CEP350: variants seen among roughly 807,000 people sequenced by gnomAD.
The protein encoded by CEP350 is centrosome-associated protein 350.
In CEP350, 126 loss-of-function variants were observed where a neutral mutation model predicts 331.8. The ratio of observed to expected loss-of-function variants is 0.38; its 90% CI spans 0.33 to 0.44. The LOEUF (loss-of-function observed/expected upper bound fraction) is 0.44. Ranked by LOEUF, CEP350 falls within the 20% of genes least tolerant of loss-of-function variation. The pLI, the probability that CEP350 is intolerant of heterozygous loss-of-function variation, is 1.00. For synonymous variants in CEP350, 1,200 were observed against 1,259.5 expected, an observed-to-expected ratio of 0.95 and a Z score of 1.00; for missense variants, 3,406 against 3,634.6, an observed-to-expected ratio of 0.94 and a Z score of 1.62.
In CEP350 at chr1:180,020,743, A is replaced by G; in HGVS notation, c.2969A>G (p.Glu990Gly). Residue 990 changes from glutamate (E) to glycine (G), a missense_variant, in exon 12 of 38, where the codon GAG (glutamate) becomes GGG (glycine). Glu to Gly is a moderately conservative substitution (Grantham distance 98). Coordinates refer to ENST00000367607, the MANE Select transcript of CEP350 (RefSeq NM_014810.5). ...GTCAGTGAAGGGCCTCTTCTTAGTG[A>G]GGGGAGTCTCTCTGAAGAAGAGGGA... ...DSVSEGPLLSEGSLSEEEGDQ... is the reference protein window; with the variant it reads ...DSVSEGPLLSGGSLSEEEGDQ... 1 of 1,614,000 alleles carries G rather than the reference A, an allele frequency of 6.2e-7. No homozygotes were observed. Among genetic ancestry groups the G allele is most frequent in the Non-Finnish European group, 8.5e-7 (1 of 1,179,884 alleles).
rs1179428630 is a variant in CEP350 at position 180,104,386 on chromosome 1, G to A, written c.9189+5401G>A. On this transcript the variant is annotated intron_variant, in intron 37 of 37. Transcript: ENST00000367607. ...TCCTATAAAATGGATTTTTTTTATT[G>A]TTTTTCTAGAGCTTTGACTATTGGG... Among the ~76,000 whole-genome samples the A allele has an allele frequency of 3.3e-5, 5 of 151,962 alleles. No homozygotes were observed. In the East Asian group the frequency reaches 9.6e-4, roughly 29 times the overall value.
At chr1:180,103,098 A>G (rs919683643) in intron 37 of CEP350, among the ~76,000 whole-genome samples, 1 of 152,226 alleles carries the variant, frequency 6.6e-6, no homozygotes, top group African/African-American at 2.4e-5. Flanking sequence ...TGATTTACAT[A>G]GGGCCCACAG....
In CEP350 at chr1:180,015,894, A is replaced by G; in HGVS notation, c.2098A>G (p.Lys700Glu). 6.2e-7 allele frequency: 1 copy of G among 1,613,972 alleles called. No homozygotes were observed. The highest frequency in any genetic ancestry group is 8.5e-7 in the Non-Finnish European group (1 of 1,179,862). The change falls in exon 11 of 38, where the codon AAA becomes GAA. Residue 700 changes from lysine (K) to glutamate (E), a missense_variant. This residue lies in a region of CEP350 where 1,857 missense variants were observed against 1,909.2 expected (regional missense o/e 0.97). Transcript: ENST00000367607. ...QPSGESDKEN[K>E]VQERPPSASS... is the part of the protein sequence containing the mutation. ...ATCTGGAGAATCTGACAAAGAAAAC[A>G]AAGTACAGGAACGTCCCCCAAGTGC...
Position 180,048,570 on chromosome 1 carries a change from T to C in CEP350, c.4657T>C (p.Ser1553Pro). ...SSGSSRQESP[S>P]VPSCKENEKK... ...TGGTAGCAGCCGCCAAGAAAGTCCT[T>C]CAGTTCCATCTTGTAAGGAAAATGA... Residue 1553 changes from serine to proline, a missense_variant, in exon 22 of 38, where the codon TCA becomes CCA. By Grantham distance (74) the Ser-to-Pro change is moderately conservative. Transcript: ENST00000367607. The C allele has an allele frequency of 1.2e-6, 2 of 1,609,466 alleles. No individual in the cohort carries two copies. Among genetic ancestry groups the C allele is most frequent in the Non-Finnish European group, 8.5e-7 (1 of 1,176,918 alleles).
At chr1:180,087,008 A>G (rs1177094573) in intron 31 of CEP350, among the ~76,000 whole-genome samples, 2 of 152,224 alleles carry the variant, frequency 1.3e-5, no homozygotes, top group African/African-American at 4.8e-5. Context: ...AAGGAATGAT[A>G]TATTAAATGG....
intron 36 of CEP350, among the ~76,000 whole-genome samples, chr1:180,096,748 C>T (rs76151683): frequency 2.6e-5 from 4 of 152,198 alleles, no homozygotes; most frequent in Admixed American, 2.6e-4. Flanking sequence ...AAACCTTTGT[C>T]CAGAAGCTAC....
intron 37 of CEP350, among the ~76,000 whole-genome samples, chr1:180,100,920 C>T (rs570185864): frequency 2.0e-5 from 3 of 152,302 alleles, no homozygotes; most frequent in East Asian, 1.9e-4. Flanking sequence ...CTCCCACACA[C>T]GTGGGAATTC....
chr1:180,084,204 A>AC, intron 31 of CEP350, 26 bp downstream of exon 31: 1 of 1,560,916 alleles, frequency 6.4e-7, no homozygotes, highest in Non-Finnish European at 8.7e-7. Context: ...AAGGGGGTTT[A>AC]GTATCAAGGC....
At chr1:180,003,993 T>C (rs1233264229) in intron 7 of CEP350, among the ~76,000 whole-genome samples, 1 of 152,190 alleles carries the variant, frequency 6.6e-6, no homozygotes, top group Non-Finnish European at 1.5e-5. Flanking sequence ...TGGCATTAAG[T>C]GTCCGATCCA....
intron 22 of CEP350, among the ~76,000 whole-genome samples, chr1:180,052,727 G>C (rs911156070): frequency 2.6e-5 from 4 of 151,898 alleles, no homozygotes; most frequent in African/African-American, 4.8e-5. Flanking sequence ...ATTTGTAAGA[G>C]CTCTCTAAAT....
chr1:179,988,262 A>AT (rs1231510194), intron 3 of CEP350, among the ~76,000 whole-genome samples: 2 of 151,448 alleles, frequency 1.3e-5, no homozygotes, highest in Non-Finnish European at 2.9e-5. Flanking sequence ...ACACCACTGC[A>AT]TTCTAGCCTG....
chr1:180,052,412 G>T, intron 22 of CEP350: 1 of 332,502 alleles, frequency 3.0e-6, no homozygotes, highest in Admixed American at 4.3e-5. Flanking sequence ...GCTGATTCTA[G>T]GGCTGTAGGG....
At chr1:180,063,089 CTGTT>C (rs920216247) in intron 26 of CEP350, among the ~76,000 whole-genome samples, 13 of 151,370 alleles carry the variant, frequency 8.6e-5, no homozygotes, top group African/African-American at 2.7e-4. Context: ...ATGGGGGAGA[CTGTT>C]TTACTATTTA....
intron 21 of CEP350, 121 bp from the exon 22 acceptor site, chr1:180,048,415 A>G (rs1657269706): frequency 1.6e-6 from 1 of 641,988 alleles, no homozygotes; most frequent in Non-Finnish European, 2.7e-6. Flanking sequence ...TTTATATTAC[A>G]TCTTTCTTCA....
At chr1:179,957,772 C>T (rs948826675) in intron 1 of CEP350, among the ~76,000 whole-genome samples, 1 of 152,130 alleles carries the variant, frequency 6.6e-6, no homozygotes, top group African/African-American at 2.4e-5. Context: ...ACAGTGGAAA[C>T]TTCATTTACT....
intron 37 of CEP350, 130 bp downstream of exon 37, chr1:180,099,115 T>A: frequency 1.1e-6 from 1 of 887,408 alleles, no homozygotes; most frequent in Non-Finnish European, 1.6e-6. Context: ...AAGCCTTTAC[T>A]TGCTGCATTT....
intron 27 of CEP350, among the ~76,000 whole-genome samples, chr1:180,071,785 A>AG (rs1658912926): frequency 1.3e-5 from 2 of 151,748 alleles, no homozygotes; most frequent in South Asian, 4.2e-4. Flanking sequence ...CCGTCTCAAA[A>AG]AAAAAAGAGC....
At chr1:180,031,753 A>G (rs2148880796) in intron 15 of CEP350, among the ~76,000 whole-genome samples, 1 of 152,158 alleles carries the variant, frequency 6.6e-6, no homozygotes, top group South Asian at 2.1e-4. Flanking sequence ...AGCACAGCCC[A>G]GTTTTCTATG....
At chr1:180,004,433 GT>G (rs2148755483) in intron 7 of CEP350, among the ~76,000 whole-genome samples, 1 of 152,194 alleles carries the variant, frequency 6.6e-6, no homozygotes, top group Non-Finnish European at 1.5e-5. Context: ...TCTCTACCAG[GT>G]CATGCTCATC....
Sources: allele counts gnomAD v4.1 joint callset (sites outside exome capture counted in the v4.1 genomes callset), GRCh38; gene constraint gnomAD v4.1.1; regional missense constraint gnomAD v4.1.1; transcripts MANE v1.5; gene names NCBI Gene and HGNC (gene_info 2026-07-23, HGNC 2026-07-21).